SLC7A2: variants seen among roughly 807,000 people sequenced by gnomAD.
The protein encoded by SLC7A2 is solute carrier family 7 member 2.
SLC7A2 carries 48 observed loss-of-function variants against 58.9 expected under a neutral mutation model. The ratio of observed to expected loss-of-function variants is 0.82; its 90% CI spans 0.65 to 1.04. SLC7A2 has a LOEUF of 1.04. SLC7A2 is among the 50% of genes least tolerant of loss of function. The pLI is 0.00. For missense variants in SLC7A2, 1,029 were observed against 818.8 expected (o/e 1.26, Z -3.13); for synonymous variants, 363 against 314.5 (o/e 1.15, Z -1.63).
intron 7 of SLC7A2, among the ~76,000 whole-genome samples, chr8:17,553,559 C>T (rs1802549454): frequency 6.6e-6 from 1 of 152,110 alleles, no homozygotes; most frequent in South Asian, 2.1e-4. Context: ...TCACTTACGG[C>T]AAAGAGTTCA....
rs568610539 is a variant in SLC7A2 at position 17,528,363 on chromosome 8, G to A, written c.-22-14955G>A. The stretch of plus-strand genomic sequence containing the variant: ...TATTTTAAGCTAATGACTGTTTTTC[G>A]GTGTGGCCATTACGCTTTTTTTGTT... On this transcript the variant is annotated intron_variant, in intron 2 of 12. Transcript: ENST00000494857. 5.3e-5 allele frequency among the ~76,000 whole-genome samples: 8 copies of A among 152,110 alleles called. No individual in the cohort carries two copies. In the South Asian group the frequency reaches 1.0e-3, roughly 20 times the overall value.
At chr8:17,545,501 G>C (rs139802876) in intron 4 of SLC7A2, among the ~76,000 whole-genome samples, 2 of 146,562 alleles carry the variant, frequency 1.4e-5, no homozygotes, top group Non-Finnish European at 3.0e-5. Context: ...GGGTGCAAGC[G>C]ATTCTTCTGC....
At position 17,544,634 on chromosome 8, in the gene SLC7A2, A is replaced by G. The variant is rs776344204; in HGVS notation, c.532+28A>G. The G allele has an allele frequency of 2.3e-5, 37 of 1,602,852 alleles. 1 individual carries two copies. In the Admixed American group the frequency reaches 6.2e-4, roughly 27 times the overall value. ...AAGAAAACCAGTTATGAGTCTCTGCAGAATGAGCCACACTATTTGTCTCAG... is the reference window on the plus strand; with the variant it reads ...AAGAAAACCAGTTATGAGTCTCTGCGGAATGAGCCACACTATTTGTCTCAG... On this transcript the variant is annotated intron_variant, in intron 4 of 12. Transcript: ENST00000494857.
At chr8:17,522,133 C>T (rs989841461) in intron 2 of SLC7A2, among the ~76,000 whole-genome samples, 4 of 152,146 alleles carry the variant, frequency 2.6e-5, no homozygotes, top group Non-Finnish European at 1.5e-5. Flanking sequence ...TTAATGGACT[C>T]ACAGTTCCAC....
At chr8:17,536,491 G>C (rs558991160) in intron 2 of SLC7A2, among the ~76,000 whole-genome samples, 1 of 152,124 alleles carries the variant, frequency 6.6e-6, no homozygotes, top group Non-Finnish European at 1.5e-5. Flanking sequence ...TTGAACCCGA[G>C]AGGCGGAGGT....
intron 2 of SLC7A2, among the ~76,000 whole-genome samples, chr8:17,529,540 T>A (rs1221316711): frequency 2.0e-5 from 3 of 151,612 alleles, no homozygotes; most frequent in Non-Finnish European, 4.4e-5. Flanking sequence ...TTGTTTTTTT[T>A]TTTTTTGAGA....
chr8:17,494,901 A>T (rs965332704), upstream of SLC7A2, among the ~76,000 whole-genome samples: 1 of 152,244 alleles, frequency 6.6e-6, no homozygotes, highest in African/African-American at 2.4e-5. Context: ...ATTCACACAC[A>T]TGAACACAGC....
At chr8:17,505,221 G>A (rs2150650629) in intron 2 of SLC7A2, among the ~76,000 whole-genome samples, 1 of 152,242 alleles carries the variant, frequency 6.6e-6, no homozygotes, top group Middle Eastern at 3.4e-3. Context: ...ATTCCAACCA[G>A]TGGGCAACTA....
intron 2 of SLC7A2, among the ~76,000 whole-genome samples, chr8:17,504,870 G>A (rs1336795407): frequency 6.6e-6 from 1 of 152,112 alleles, no homozygotes; most frequent in Non-Finnish European, 1.5e-5. Flanking sequence ...CTAATGAAAG[G>A]CATTTGCATG....
chr8:17,516,495 A>G (rs1239365560), intron 2 of SLC7A2, among the ~76,000 whole-genome samples: 1 of 152,206 alleles, frequency 6.6e-6, no homozygotes, highest in East Asian at 1.9e-4. Flanking sequence ...AAGAGCTGGG[A>G]TGACAGGCGT....
At chr8:17,538,006 A>C (rs906656351) in intron 2 of SLC7A2, among the ~76,000 whole-genome samples, 3 of 152,230 alleles carry the variant, frequency 2.0e-5, no homozygotes, top group African/African-American at 7.2e-5. Flanking sequence ...TGCCTTCACT[A>C]AAGTGAAATG....
intron 5 of SLC7A2, among the ~76,000 whole-genome samples, chr8:17,550,043 A>G (rs1802371816): frequency 6.6e-6 from 1 of 152,166 alleles, no homozygotes; most frequent in Non-Finnish European, 1.5e-5. Flanking sequence ...CTGTGGGTTC[A>G]GCTGGAGCAG....
chr8:17,555,647 G>C (rs2150766013), intron 8 of SLC7A2, among the ~76,000 whole-genome samples: 1 of 152,226 alleles, frequency 6.6e-6, no homozygotes. Flanking sequence ...GGCCATCGCA[G>C]CCATCTAACA....
rs1802469018 is a variant in SLC7A2 at position 17,551,885 on chromosome 8, C to A, written c.954C>A (p.Leu318=). 2 of 1,613,808 alleles carry A rather than the reference C, an allele frequency of 1.2e-6. No individual in the cohort carries two copies. Among genetic ancestry groups the A allele is most frequent in the African/African-American group, 1.3e-5 (1 of 74,842 alleles). Residue 318 remains leucine (L), a synonymous_variant, in exon 7 of 13, where the codon CTC becomes CTA. Transcript: ENST00000494857. ...AALTLMMPYY[L]LDEKSPLPVA... ...TAACACTTATGATGCCGTACTACCT[C>A]CTCGATGAAAAAAGCCCCCTTCCTG...
intron 7 of SLC7A2, among the ~76,000 whole-genome samples, 163 bp from the exon 8 acceptor site, chr8:17,554,397 A>G (rs1288021213): frequency 6.6e-6 from 1 of 152,210 alleles, no homozygotes; most frequent in Non-Finnish European, 1.5e-5. Flanking sequence ...TAAATGCCCT[A>G]TCATAGTGCA....
Position 17,558,252 on chromosome 8 carries a change from C to T in SLC7A2, c.1196-43C>T, listed in dbSNP as rs199624521. The stretch of plus-strand genomic sequence containing the variant: ...AACGTTAGTAACTGTATGGAATTTC[C>T]TCCTGGGCCGTTTACTTCACCGTTC... On this transcript the variant is annotated intron_variant, in intron 8 of 12. Coordinates refer to ENST00000494857, the MANE Select transcript of SLC7A2 (RefSeq NM_001370338.1). 1.3e-5 allele frequency: 17 copies of T among 1,300,422 alleles called. No individual in the cohort carries two copies. The African/African-American group carries it at 1.9e-4, about 14-fold the overall frequency. The allele number at this position is 1,300,422 out of a possible 1,614,324, so 80.6% of individuals were successfully genotyped here.
At chr8:17,508,589 T>G (rs1333738253) in intron 2 of SLC7A2, among the ~76,000 whole-genome samples, 1 of 152,060 alleles carries the variant, frequency 6.6e-6, no homozygotes, top group Non-Finnish European at 1.5e-5. Context: ...CTGGGTGTGG[T>G]GGTGGGCACC....
chr8:17,568,535 C>T lies in SLC7A2; in HGVS notation c.*3389C>T, dbSNP rs1002287138. On this transcript the variant is annotated 3_prime_UTR_variant, in exon 13 of 13. Coordinates refer to ENST00000494857, the MANE Select transcript of SLC7A2 (RefSeq NM_001370338.1). ...AGAAAATATTAGTTTCAGAATTACC[C>T]TCCTTTAAAAAATAAGAGACTATTT... 7.9e-5 allele frequency: 12 copies of T among 152,126 alleles called. No homozygotes were observed. Among genetic ancestry groups the T allele is most frequent in the African/African-American group, 2.6e-4 (11 of 41,544 alleles). The allele number at this position is 152,126 out of a possible 1,614,324, so 9.4% of individuals were successfully genotyped here.
chr8:17,514,544 G>C (rs1414205784), intron 2 of SLC7A2, among the ~76,000 whole-genome samples: 1 of 152,090 alleles, frequency 6.6e-6, no homozygotes, highest in East Asian at 1.9e-4. Context: ...GCTAATTCTA[G>C]AATAACTTAA....
Sources: gnomAD v4.1 joint callset for allele counts (sites outside exome capture counted in the v4.1 genomes callset) on GRCh38, gnomAD v4.1.1 for gene constraint, MANE v1.5 for transcripts, NCBI Gene and HGNC (gene_info 2026-07-23, HGNC 2026-07-21) for gene names.